MAD1L1: variants seen among roughly 807,000 people sequenced by gnomAD.
MAD1L1 encodes the protein mitotic arrest deficient 1 like 1.
In MAD1L1, 95 loss-of-function variants were observed where a neutral mutation model predicts 96.9. The ratio of observed to expected loss-of-function variants is 0.98; its 90% confidence interval spans 0.83 to 1.16. The LOEUF is 1.16. Among genes scored for constraint, MAD1L1 ranks in the 50% most tolerant of loss-of-function variants. The pLI, the probability that MAD1L1 is intolerant of heterozygous loss-of-function variation, is 0.00. For synonymous variants in MAD1L1, 473 were observed against 396.6 expected, an observed-to-expected ratio of 1.19 and a Z score of -2.29; for missense variants, 1,007 against 954.4, an observed-to-expected ratio of 1.06 and a Z score of -0.73.
At chr7:1,887,423 GCA>G (rs1383326487) in intron 18 of MAD1L1, among the ~76,000 whole-genome samples, 2 of 151,136 alleles carry the variant, frequency 1.3e-5, no homozygotes, top group Admixed American at 6.6e-5. Context: ...GTGTGTGTGT[GCA>G]TGCGTGCATG....
At chr7:2,222,155 C>A (rs1793642543) in intron 5 of MAD1L1, among the ~76,000 whole-genome samples, 1 of 151,334 alleles carries the variant, frequency 6.6e-6, no homozygotes, top group Non-Finnish European at 1.5e-5. Flanking sequence ...CTCACTGCAA[C>A]CTCCACCTCC....
At chr7:2,083,060 T>C (rs1328670333) in intron 11 of MAD1L1, among the ~76,000 whole-genome samples, 1 of 152,192 alleles carries the variant, frequency 6.6e-6, no homozygotes, top group African/African-American at 2.4e-5. Context: ...CGTCCCTCCC[T>C]GCGCGTGACG....
intron 18 of MAD1L1, among the ~76,000 whole-genome samples, chr7:1,822,265 T>C (rs1413080554): frequency 6.6e-6 from 1 of 151,982 alleles, no homozygotes; most frequent in Non-Finnish European, 1.5e-5. Flanking sequence ...ACTTGTATAG[T>C]GTCTGTTTGC....
intron 12 of MAD1L1, among the ~76,000 whole-genome samples, chr7:2,041,699 G>A (rs1783680713): frequency 6.6e-6 from 1 of 152,216 alleles, no homozygotes; most frequent in Admixed American, 6.5e-5. Context: ...GAAACCAGAT[G>A]AGGAAGAGCT....
At chr7:1,899,006 G>C (rs1229065789) in intron 17 of MAD1L1, among the ~76,000 whole-genome samples, 1 of 152,212 alleles carries the variant, frequency 6.6e-6, no homozygotes, top group Non-Finnish European at 1.5e-5. Context: ...GGACGTTCCG[G>C]ATCCTACTGC....
intron 10 of MAD1L1, among the ~76,000 whole-genome samples, chr7:2,211,348 G>A (rs1044934867): frequency 5.9e-5 from 9 of 152,196 alleles, no homozygotes; most frequent in African/African-American, 2.2e-4. Flanking sequence ...TGCCCAGGCA[G>A]GGCGCTCAGA....
chr7:1,916,490 TAGAG>T (rs761158014), intron 17 of MAD1L1, among the ~76,000 whole-genome samples: 15 of 151,816 alleles, frequency 9.9e-5, no homozygotes, highest in Non-Finnish European at 1.8e-4. Context: ...CTGGGCGGTA[TAGAG>T]AGAGGAGCAA....
At chr7:2,179,538 A>G (rs900105444) in intron 10 of MAD1L1, among the ~76,000 whole-genome samples, 2 of 151,880 alleles carry the variant, frequency 1.3e-5, no homozygotes, top group African/African-American at 2.4e-5. Context: ...CAAAAAAAAA[A>G]AAAAAAGAAA....
chr7:2,087,380 G>A (rs1785972571), intron 11 of MAD1L1, among the ~76,000 whole-genome samples: 1 of 151,968 alleles, frequency 6.6e-6, no homozygotes, highest in South Asian at 2.1e-4. Context: ...TCTCTACTAA[G>A]AATACAAAAA....
intron 10 of MAD1L1, among the ~76,000 whole-genome samples, chr7:2,203,353 G>C (rs1792414964): frequency 6.6e-6 from 1 of 152,224 alleles, no homozygotes; most frequent in Non-Finnish European, 1.5e-5. Context: ...ACTTCGAGCT[G>C]AATCTCTCTA....
intron 15 of MAD1L1, among the ~76,000 whole-genome samples, chr7:1,959,934 T>C (rs1779883544): frequency 6.6e-6 from 1 of 152,188 alleles, no homozygotes; most frequent in African/African-American, 2.4e-5. Context: ...AAATTTAAAT[T>C]ATTAACTTTT....
intron 18 of MAD1L1, chr7:1,838,973 T>C (rs1381789980): frequency 2.7e-6 from 1 of 369,622 alleles, no homozygotes; most frequent in Non-Finnish European, 5.6e-6. Flanking sequence ...CAGCAGAGAG[T>C]CTGGACCCCA....
At chr7:2,118,725 C>A (rs983712476) in intron 11 of MAD1L1, among the ~76,000 whole-genome samples, 3 of 152,174 alleles carry the variant, frequency 2.0e-5, no homozygotes, top group Non-Finnish European at 2.9e-5. Flanking sequence ...CGCCAAGGAG[C>A]AGGCTCGGCT....
At chr7:2,173,834 T>C (rs146042600) in intron 10 of MAD1L1, among the ~76,000 whole-genome samples, 1 of 152,338 alleles carries the variant, frequency 6.6e-6, no homozygotes, top group East Asian at 1.9e-4. Context: ...GGTCTCACTC[T>C]GCCACCCAGG....
chr7:2,186,129 G>A (rs74653474), intron 10 of MAD1L1, among the ~76,000 whole-genome samples: 6,961 of 152,268 alleles, frequency 0.046, 559 homozygotes, highest in African/African-American at 0.16. Flanking sequence ...GTTAACAGAA[G>A]TATAATTTTG....
intron 10 of MAD1L1, among the ~76,000 whole-genome samples, chr7:2,204,691 T>C (rs1401141101): frequency 1.3e-5 from 2 of 152,266 alleles, no homozygotes; most frequent in African/African-American, 4.8e-5. Flanking sequence ...CTTCACCTGC[T>C]GACAGGCACC....
intron 18 of MAD1L1, among the ~76,000 whole-genome samples, chr7:1,832,630 T>TTTTTTGG (rs56664541): frequency 4.3e-4 from 1 of 2,346 alleles, no homozygotes; most frequent in Non-Finnish European, 8.3e-4. Flanking sequence ...TTTTTTTTTT[T>TTTTTTGG]GGCGGGGGGG....
chr7:1,873,990 C>A (rs913225356), intron 18 of MAD1L1, among the ~76,000 whole-genome samples: 1 of 151,924 alleles, frequency 6.6e-6, no homozygotes, highest in Middle Eastern at 3.2e-3. Flanking sequence ...GGGTCAGTTC[C>A]GGTGGGGAGG....
chr7:2,222,890 G>T, intron 4 of MAD1L1, 136 bp from the exon 5 acceptor site: 1 of 675,908 alleles, frequency 1.5e-6, no homozygotes, highest in Non-Finnish European at 2.4e-6. Flanking sequence ...CAAGTCATAG[G>T]CAGAACCAGG....
Sources: allele counts gnomAD v4.1 joint callset (sites outside exome capture counted in the v4.1 genomes callset), GRCh38; gene constraint gnomAD v4.1.1; transcripts MANE v1.5; gene names NCBI Gene and HGNC (gene_info 2026-07-23, HGNC 2026-07-21).